Variants in C4orf36 observed in about 807,000 individuals in gnomAD.
The protein encoded by C4orf36 is uncharacterized protein C4orf36.
In C4orf36, 11 loss-of-function variants were observed where a neutral mutation model predicts 12.2. The observed-to-expected ratio is 0.90, with a 90% CI of 0.57 to 1.49. The LOEUF (loss-of-function observed/expected upper bound fraction) is 1.49, where lower values mean the gene tolerates loss of function less well. Among genes scored for constraint, C4orf36 ranks in the 40% most tolerant of loss-of-function variants. The probability of loss-of-function intolerance (pLI) is 0.00; values close to 1 mark genes in which losing one functional copy is unlikely to be tolerated. For missense variants in C4orf36, 137 were observed against 133.9 expected (o/e 1.02, Z -0.11); for synonymous variants, 54 against 51.3 (o/e 1.05, Z -0.22).
the C4orf36 span, among the ~76,000 whole-genome samples, chr4:86,898,870 G>C: frequency 6.6e-6 from 1 of 152,142 alleles, no homozygotes; most frequent in Non-Finnish European, 1.5e-5. Context: ...CTCTTCCTGA[G>C]GAAATGGAGG....
At chr4:86,909,207 C>A in the C4orf36 span, among the ~76,000 whole-genome samples, 2 of 152,258 alleles carry the variant, frequency 1.3e-5, no homozygotes, top group Middle Eastern at 6.8e-3. Context: ...CCAACTTAGC[C>A]AAGCTAACAC....
the C4orf36 span, among the ~76,000 whole-genome samples, chr4:86,922,019 T>C: frequency 6.6e-6 from 1 of 152,238 alleles, no homozygotes; most frequent in Non-Finnish European, 1.5e-5. Context: ...AAAATGAATA[T>C]GTGTGATAGG....
the C4orf36 span, among the ~76,000 whole-genome samples, chr4:86,897,891 A>G: frequency 6.6e-5 from 10 of 152,198 alleles, no homozygotes; most frequent in African/African-American, 2.4e-4. Flanking sequence ...AGCCCCTGAC[A>G]ACTACATTTG....
chr4:86,919,315 CTTTTTTTT>C, the C4orf36 span, among the ~76,000 whole-genome samples: 1 of 81,354 alleles, frequency 1.2e-5, no homozygotes, highest in East Asian at 3.9e-4. Context: ...TTTTTTCCCC[CTTTTTTTT>C]TTTTTTTTTT....
the C4orf36 span, among the ~76,000 whole-genome samples, chr4:86,902,439 A>AAAG: frequency 1.2e-4 from 17 of 141,032 alleles, no homozygotes; most frequent in East Asian, 1.7e-3. Context: ...AAAAAAAAAA[A>AAAG]AAAGAAAGAA....
chr4:86,887,582 A>G, intron 4 of C4orf36, 176 bp downstream of exon 4: 1 of 591,036 alleles, frequency 1.7e-6, no homozygotes, highest in Non-Finnish European at 2.8e-6. Flanking sequence ...GAACAAGAGT[A>G]TGTCAGGGAC....
At position 86,887,901 on chromosome 4, in the gene C4orf36, AG is replaced by A; in HGVS notation, c.221-9del. On this transcript the variant is annotated splice_polypyrimidine_tract_variant and intron_variant, in intron 3 of 4. Transcript: ENST00000295898. The stretch of plus-strand genomic sequence containing the variant: ...CCCTTTCGAGTTTGATAGCTGAAAA[AG>A]AAAATACACAAAACAATCTGACATA... 6.2e-7 allele frequency: 1 copy of A among 1,613,902 alleles called. No homozygotes were observed. Among genetic ancestry groups the A allele is most frequent in the Admixed American group, 1.7e-5 (1 of 59,986 alleles).
At chr4:86,911,807 C>T in the C4orf36 span, among the ~76,000 whole-genome samples, 21 of 152,270 alleles carry the variant, frequency 1.4e-4, no homozygotes, top group Non-Finnish European at 2.4e-4. Flanking sequence ...CCACCTCAGC[C>T]TTCCAAGCAG....
chr4:86,922,548 A>T, the C4orf36 span, among the ~76,000 whole-genome samples: 2 of 152,220 alleles, frequency 1.3e-5, no homozygotes, highest in Non-Finnish European at 2.9e-5. Flanking sequence ...TGTTAGGCTT[A>T]TCAGCAGAGG....
the C4orf36 span, among the ~76,000 whole-genome samples, chr4:86,908,310 A>G: frequency 6.6e-6 from 1 of 152,062 alleles, no homozygotes; most frequent in Non-Finnish European, 1.5e-5. Context: ...AAAGGGAGGG[A>G]GATAAAATTG....
At chr4:86,920,126 G>T in the C4orf36 span, among the ~76,000 whole-genome samples, 2 of 152,148 alleles carry the variant, frequency 1.3e-5, no homozygotes, top group Non-Finnish European at 2.9e-5. Flanking sequence ...ACACAACTCA[G>T]CCAAGTTCTT....
At chr4:86,886,734 A>G (rs1160414771) in intron 4 of C4orf36, 1 of 152,172 alleles carries the variant, frequency 6.6e-6, no homozygotes, top group African/African-American at 2.4e-5. Context: ...AACTAGAAAT[A>G]CCATTTGACC....
At chr4:86,915,034 C>G in the C4orf36 span, among the ~76,000 whole-genome samples, 1 of 152,150 alleles carries the variant, frequency 6.6e-6, no homozygotes, top group Non-Finnish European at 1.5e-5. Context: ...ATATATTAAT[C>G]TTCCTGTATA....
chr4:86,919,119 G>GGAGAGAGAGAGA, the C4orf36 span, among the ~76,000 whole-genome samples: 59 of 145,354 alleles, frequency 4.1e-4, no homozygotes, highest in African/African-American at 1.2e-3. Context: ...CCCAGCTCCA[G>GGAGAGAGAGAGA]GAGAGAGAGA....
the C4orf36 span, among the ~76,000 whole-genome samples, chr4:86,931,483 C>T: frequency 1.3e-5 from 2 of 152,098 alleles, no homozygotes; most frequent in African/African-American, 4.8e-5. Flanking sequence ...AACGCATCCT[C>T]GACCTCCAGG....
the C4orf36 span, among the ~76,000 whole-genome samples, chr4:86,900,317 G>A: frequency 7.2e-5 from 11 of 152,254 alleles, no homozygotes; most frequent in African/African-American, 2.4e-4. Flanking sequence ...ACAGGAGTGA[G>A]CCACCGCACC....
the C4orf36 span, among the ~76,000 whole-genome samples, chr4:86,928,962 A>G: frequency 6.6e-6 from 1 of 151,384 alleles, no homozygotes; most frequent in Non-Finnish European, 1.5e-5. Context: ...CTTAGTTACT[A>G]CCTCTGCCAG....
upstream of C4orf36, among the ~76,000 whole-genome samples, chr4:86,893,674 T>A (rs1319031827): frequency 6.6e-6 from 1 of 151,726 alleles, no homozygotes; most frequent in African/African-American, 2.4e-5. Flanking sequence ...GGCTGACCCA[T>A]CTTTCAAAGG....
chr4:86,893,864 TTTTATTTATTTATTTATTTATTTATTTA>T (rs147837409), upstream of C4orf36, among the ~76,000 whole-genome samples: 49 of 138,286 alleles, frequency 3.5e-4, 1 homozygote, highest in African/African-American at 1.1e-3. Flanking sequence ...TGGCCTGAAT[TTTTATTTATTTATTTATTTATTTATTTA>T]TTTATTTATT....
Sources: allele counts gnomAD v4.1 joint callset (sites outside exome capture counted in the v4.1 genomes callset), GRCh38; gene constraint gnomAD v4.1.1; transcripts MANE v1.5; gene names NCBI Gene and HGNC (gene_info 2026-07-23, HGNC 2026-07-21).